Variants in DNAH8 observed in about 807,000 individuals in gnomAD.
DNAH8 encodes the protein axonemal beta dynein heavy chain 8.
DNAH8 carries 382 observed loss-of-function variants against 562.1 expected under a neutral mutation model. That is an observed-to-expected ratio of 0.68 (90% confidence interval 0.63 to 0.74). The LOEUF (loss-of-function observed/expected upper bound fraction) is 0.74, where lower values mean the gene tolerates loss of function less well. DNAH8 is among the 30% of genes least tolerant of loss of function. The probability of loss-of-function intolerance (pLI) is 0.00; values close to 1 mark genes in which losing one functional copy is unlikely to be tolerated. For synonymous variants in DNAH8, 1,881 were observed against 1,919.4 expected (o/e 0.98, Z 0.52); for missense variants, 5,203 against 5,620.4 (o/e 0.93, Z 2.37).
At chr6:38,982,829 C>T (rs1203745053) in intron 86 of DNAH8, among the ~76,000 whole-genome samples, 1 of 152,188 alleles carries the variant, frequency 6.6e-6, no homozygotes, top group Non-Finnish European at 1.5e-5. Context: ...TTCTTTCTCA[C>T]CTTAAGTCAC....
In DNAH8 at chr6:38,924,936, C is replaced by T. The variant is rs936099230; in HGVS notation, c.10962+774C>T. ...ACCTTCCTTGCTGGGAATTCGATGCCACTGTCAATTTCCGGTATATCTTGC... is the reference window on the plus strand; with the variant it reads ...ACCTTCCTTGCTGGGAATTCGATGCTACTGTCAATTTCCGGTATATCTTGC... On this transcript the variant is annotated intron_variant, in intron 73 of 92. Transcript: ENST00000327475. 4 of 152,138 alleles carry T rather than the reference C, an allele frequency of 2.6e-5. No homozygotes were observed. In the East Asian group the frequency reaches 7.7e-4, roughly 29 times the overall value. 9.4% of individuals were successfully genotyped at this position (152,138 alleles called of 1,614,324 possible).
At chr6:38,899,063 T>C (rs1480565338) in intron 61 of DNAH8, among the ~76,000 whole-genome samples, 1 of 152,182 alleles carries the variant, frequency 6.6e-6, no homozygotes, top group Non-Finnish European at 1.5e-5. Context: ...TTAAAAATTA[T>C]TTTTAGTGGT....
At chr6:38,745,186 G>A (rs1764826928) in intron 8 of DNAH8, among the ~76,000 whole-genome samples, 1 of 152,168 alleles carries the variant, frequency 6.6e-6, no homozygotes, top group Admixed American at 6.5e-5. Flanking sequence ...ACAACCTACT[G>A]CAGGTGCAAG....
Position 38,906,403 on chromosome 6 carries a change from G to T in DNAH8, c.9344G>T (p.Gly3115Val). Residue 3115 changes from glycine (G) to valine (V), a missense_variant, in exon 63 of 93, where the codon GGG (glycine) becomes GTG (valine). Gly to Val is a moderately radical substitution (Grantham distance 109). Around this residue, in one of 6 missense-constraint regions of DNAH8, gnomAD observed 977 missense variants for 1,061.8 expected, o/e 0.92. Coordinates refer to ENST00000327475, the MANE Select transcript of DNAH8 (RefSeq NM_001206927.2). ...TACCTTAACAACTTGCTATCTTCAG[G>T]GGAGGTAAGTCTCAAAAGTAGAGAA... Reference protein sequence around the residue: ...LEYLNNLLSSGEISNLFARDE... With the variant: ...LEYLNNLLSSVEISNLFARDE... 1 of 1,581,972 alleles carries T rather than the reference G, an allele frequency of 6.3e-7. No individual in the cohort carries two copies. Among genetic ancestry groups the T allele is most frequent in the Non-Finnish European group, 8.6e-7 (1 of 1,165,620 alleles).
Position 38,875,788 on chromosome 6 carries a change from C to A in DNAH8, c.7818C>A (p.Gly2606=), listed in dbSNP as rs1184215764. The change falls in exon 53 of 93, where the codon GGC becomes GGA. Residue 2606 remains glycine (G), a synonymous_variant. Transcript: ENST00000327475. ...TGGACTTACCAGAAATACCTAAAGG[C>A]TCAAATCAAACCATGTATGAGTTTT... ...SKLDLPEIPK[G]SNQTMYEFYV... The A allele has an allele frequency of 1.2e-6, 2 of 1,613,678 alleles. No homozygotes were observed. The highest frequency in any genetic ancestry group is 8.5e-7 in the Non-Finnish European group (1 of 1,179,816).
In DNAH8 at chr6:38,909,761, A is replaced by C; in HGVS notation, c.9740+17A>C. On this transcript the variant is annotated intron_variant, in intron 65 of 92. Coordinates refer to ENST00000327475, the MANE Select transcript of DNAH8 (RefSeq NM_001206927.2). ...TTTCCAAAGGTAAGTGATATTACAT[A>C]AGCACCATCGCTATGGAACCACAGC... 6.3e-7 allele frequency: 1 copy of C among 1,595,784 alleles called. No individual in the cohort carries two copies. Among genetic ancestry groups the C allele is most frequent in the Non-Finnish European group, 8.6e-7 (1 of 1,163,662 alleles).
chr6:38,948,585 C>T (rs922870608), intron 80 of DNAH8, among the ~76,000 whole-genome samples: 1 of 152,096 alleles, frequency 6.6e-6, no homozygotes, highest in Non-Finnish European at 1.5e-5. Flanking sequence ...GTGATCTGCC[C>T]GCCTCGGCCT....
chr6:38,985,918 G>T (rs1467185169), intron 87 of DNAH8, among the ~76,000 whole-genome samples: 4 of 152,194 alleles, frequency 2.6e-5, no homozygotes, highest in South Asian at 4.1e-4. Context: ...GCGGTGGGGA[G>T]TGAGTACCTG....
Position 38,807,727 on chromosome 6 carries a change from A to T in DNAH8, c.3257+11A>T, listed in dbSNP as rs777218336. The T allele has an allele frequency of 7.0e-7, 1 of 1,435,816 alleles. No homozygotes were observed. The highest frequency in any genetic ancestry group is 9.4e-7 in the Non-Finnish European group (1 of 1,065,398). The allele number at this position is 1,435,816 out of a possible 1,614,324, so 88.9% of individuals were successfully genotyped here. ...AATATTTGTTGCAAGGCAAGTTGAA[A>T]ATATGCTAATTATGTCTGGTAATCA... On this transcript the variant is annotated intron_variant, in intron 24 of 92. Coordinates refer to ENST00000327475, the MANE Select transcript of DNAH8 (RefSeq NM_001206927.2).
At chr6:38,886,102 A>T (rs907334061) in intron 56 of DNAH8, among the ~76,000 whole-genome samples, 2 of 152,176 alleles carry the variant, frequency 1.3e-5, no homozygotes, top group African/African-American at 4.8e-5. Flanking sequence ...AGAGTTATAG[A>T]TATGAGATTC....
rs760584473 is a variant in DNAH8 at position 38,857,709 on chromosome 6, C to A, written c.5925C>A (p.Ile1975=). ...TGAAGTTCGAGACTCTAATTACCAT[C>A]CATGTGCATCAGAGAGATATTTTTG... ...DRVKFETLIT[I]HVHQRDIFDD... The change falls in exon 42 of 93, where the codon ATC becomes ATA. Residue 1975 remains isoleucine, a synonymous_variant. Transcript: ENST00000327475. 1 of 1,612,270 alleles carries A rather than the reference C, an allele frequency of 6.2e-7. No homozygotes were observed. Among genetic ancestry groups the A allele is most frequent in the Non-Finnish European group, 8.5e-7 (1 of 1,178,656 alleles).
At chr6:38,797,735 A>G (rs1770409273) in intron 21 of DNAH8, among the ~76,000 whole-genome samples, 1 of 152,190 alleles carries the variant, frequency 6.6e-6, no homozygotes, top group African/African-American at 2.4e-5. Flanking sequence ...TCACTCTAGT[A>G]ACATCTCCCC....
At chr6:38,878,241 A>T (rs1778178180) in intron 53 of DNAH8, among the ~76,000 whole-genome samples, 1 of 152,242 alleles carries the variant, frequency 6.6e-6, no homozygotes, top group Admixed American at 6.5e-5. Flanking sequence ...AAAATTATAG[A>T]ATGCTTCAGC....
chr6:38,827,845 T>G (rs1383070182), intron 29 of DNAH8, among the ~76,000 whole-genome samples: 2 of 145,244 alleles, frequency 1.4e-5, no homozygotes, highest in Non-Finnish European at 1.5e-5. Context: ...ATCTCCCACA[T>G]CATTTCATTC....
intron 1 of DNAH8, among the ~76,000 whole-genome samples, chr6:38,715,946 A>ATTTT (rs1200800954): frequency 6.1e-5 from 1 of 16,520 alleles, no homozygotes; most frequent in African/African-American, 2.8e-4. Flanking sequence ...ATATATATAT[A>ATTTT]TATATATATA....
At chr6:38,783,313 T>G in intron 17 of DNAH8, among the ~76,000 whole-genome samples, 174 bp downstream of exon 17, 1 of 152,222 alleles carries the variant, frequency 6.6e-6, no homozygotes, top group East Asian at 1.9e-4. Flanking sequence ...TATTCTGATT[T>G]TATAAGTGAA....
intron 82 of DNAH8, among the ~76,000 whole-genome samples, chr6:38,959,987 A>G (rs1762503159): frequency 6.6e-6 from 1 of 152,136 alleles, no homozygotes. Flanking sequence ...CTTATCTTCA[A>G]CAAAGTTGCC....
In DNAH8 at chr6:38,788,973, C is replaced by T. The variant is rs140174082; in HGVS notation, c.2584-830C>T. Among the ~76,000 whole-genome samples the T allele has an allele frequency of 2.6e-5, 4 of 152,158 alleles. No homozygotes were observed. In the East Asian group the frequency reaches 7.7e-4, roughly 29 times the overall value. On this transcript the variant is annotated intron_variant, in intron 18 of 92. Transcript: ENST00000327475. ...TGGAGTAACGTTGGTATTGTGGAAA[C>T]TGGATTTGGCATCAAAAGCCATGCA...
chr6:38,900,621 T>C (rs965302226), intron 62 of DNAH8, among the ~76,000 whole-genome samples: 1 of 149,870 alleles, frequency 6.7e-6, no homozygotes, highest in African/African-American at 2.5e-5. Flanking sequence ...TTTTAGCAAA[T>C]CTTTTTTTTT....
Sources: gnomAD v4.1 joint callset for allele counts (sites outside exome capture counted in the v4.1 genomes callset) on GRCh38, gnomAD v4.1.1 for gene constraint, gnomAD v4.1.1 regional missense constraint, MANE v1.5 for transcripts, NCBI Gene and HGNC (gene_info 2026-07-23, HGNC 2026-07-21) for gene names.